Variants in DGKE observed in about 807,000 individuals in gnomAD.
DGKE encodes the protein diacylglycerol kinase epsilon, also known as DAG kinase epsilon.
Under a neutral mutation model 70.0 loss-of-function variants are expected in DGKE, and 53 were observed. The observed-to-expected ratio is 0.76, with a 90% CI of 0.61 to 0.95. The LOEUF is 0.95. Ranked by LOEUF, DGKE falls within the 40% of genes least tolerant of loss-of-function variation. The pLI is 0.00. For missense variants in DGKE, 655 were observed against 706.9 expected (o/e 0.93, Z 0.83); for synonymous variants, 291 against 257.0 (o/e 1.13, Z -1.27).
chr17:56,841,421 G>A lies in DGKE; in HGVS notation c.465-2598G>A, dbSNP rs1033292036. 5.3e-5 allele frequency among the ~76,000 whole-genome samples: 8 copies of A among 152,122 alleles called. 1 individual carries two copies. In the Middle Eastern group the frequency reaches 0.014, roughly 259 times the overall value. On this transcript the variant is annotated intron_variant, in intron 2 of 11. Coordinates refer to ENST00000284061, the MANE Select transcript of DGKE (RefSeq NM_003647.3). The stretch of plus-strand genomic sequence containing the variant: ...TGCCAGAAAAAAGGTTGATATTCTA[G>A]TTAAATAAAATTACATGCAATTATT...
intron 2 of DGKE, chr17:56,836,213 A>AC (rs1906608498): frequency 6.6e-6 from 1 of 151,832 alleles, no homozygotes; most frequent in South Asian, 2.1e-4. Context: ...AATTTTTTTA[A>AC]TTTTTTTTGC....
At chr17:56,844,365 T>C (rs960379835) in intron 3 of DGKE, among the ~76,000 whole-genome samples, 187 bp downstream of exon 3, 1 of 152,208 alleles carries the variant, frequency 6.6e-6, no homozygotes, top group Non-Finnish European at 1.5e-5. Context: ...ACCTAGTTCC[T>C]AGAGATGGGT....
chr17:56,863,091 G>A lies in DGKE; in HGVS notation c.*300G>A. 1 of 222,248 alleles carries A rather than the reference G, an allele frequency of 4.5e-6. No individual in the cohort carries two copies. Among genetic ancestry groups the A allele is most frequent in the Middle Eastern group, 1.5e-3 (1 of 672 alleles). The allele number at this position is 222,248 out of a possible 1,614,324, so 13.8% of individuals were successfully genotyped here. ...TTTTGAGAGTGGGACTCACTCTGAA[G>A]TATGTGCTGTCTCATGTCTTATTTT... is the stretch of plus-strand genomic sequence containing the variant. On this transcript the variant is annotated 3_prime_UTR_variant, in exon 12 of 12. Transcript: ENST00000284061.
rs1290255831 is a variant in DGKE at position 56,866,575 on chromosome 17, A to G, written c.*3784A>G. ...ACTTATTTGTATCATACCCAAATTGATATATTTGTCTGAACTCTGTTACAT... is the reference window on the plus strand; with the variant it reads ...ACTTATTTGTATCATACCCAAATTGGTATATTTGTCTGAACTCTGTTACAT... On this transcript the variant is annotated 3_prime_UTR_variant, in exon 12 of 12. Transcript: ENST00000284061. 6.6e-6 allele frequency: 1 copy of G among 152,260 alleles called. No individual in the cohort carries two copies. Among genetic ancestry groups the G allele is most frequent in the Non-Finnish European group, 1.5e-5 (1 of 68,046 alleles). The allele number at this position is 152,260 out of a possible 1,614,324, so 9.4% of individuals were successfully genotyped here. A position where few individuals can be genotyped will look rare whatever the true frequency, so the allele number is the denominator to read the frequency against.
chr17:56,847,834 G>A lies in DGKE; in HGVS notation c.745-88G>A, dbSNP rs1252919107. ...TAGTAGCCAGTAATGTTATTTAACT[G>A]TATCTCTACTCATCTAGAGGGAAAT... On this transcript the variant is annotated intron_variant, in intron 4 of 11. Transcript: ENST00000284061. 7 of 954,850 alleles carry A rather than the reference G, an allele frequency of 7.3e-6. No homozygotes were observed. The Admixed American group carries it at 1.1e-4, about 16-fold the overall frequency. 59.1% of individuals were successfully genotyped at this position (954,850 alleles called of 1,614,324 possible).
chr17:56,860,777 A>G (rs1226748971), intron 9 of DGKE, among the ~76,000 whole-genome samples: 2 of 151,702 alleles, frequency 1.3e-5, no homozygotes, highest in Admixed American at 6.6e-5. Context: ...AGCATCTGCA[A>G]AAGACCCAGA....
At position 56,869,191 on chromosome 17, in the gene DGKE, T is replaced by G. The variant is rs1908651393; in HGVS notation, c.*6400T>G. 6.6e-6 allele frequency: 1 copy of G among 152,228 alleles called. No individual in the cohort carries two copies. Among genetic ancestry groups the G allele is most frequent in the South Asian group, 2.1e-4 (1 of 4,834 alleles). The allele number at this position is 152,228 out of a possible 1,614,324, so 9.4% of individuals were successfully genotyped here. Reference sequence around the variant, plus strand: ...TCGGTAAACTGGAGCACATGATTCCTGGGAAGCAGGCCTAGTGTAAACAAT... The same window carrying G: ...TCGGTAAACTGGAGCACATGATTCCGGGGAAGCAGGCCTAGTGTAAACAAT... On this transcript the variant is annotated 3_prime_UTR_variant, in exon 12 of 12. Coordinates refer to ENST00000284061, the MANE Select transcript of DGKE (RefSeq NM_003647.3).
chr17:56,856,855 T>C (rs181726585), intron 8 of DGKE, among the ~76,000 whole-genome samples: 1 of 152,216 alleles, frequency 6.6e-6, no homozygotes, highest in Admixed American at 6.5e-5. Flanking sequence ...CCTAGCACTT[T>C]TGGGAGGCGG....
At chr17:56,857,797 G>A (rs148641691) in intron 8 of DGKE, among the ~76,000 whole-genome samples, 5 of 152,074 alleles carry the variant, frequency 3.3e-5, no homozygotes, top group East Asian at 1.9e-4. Flanking sequence ...CTTCTAGGCC[G>A]CGCATGGTGG....
intron 4 of DGKE, 157 bp from the exon 5 acceptor site, chr17:56,847,765 A>AATTTAT (rs1907383223): frequency 2.5e-6 from 1 of 398,248 alleles, no homozygotes; most frequent in South Asian, 6.3e-5. Flanking sequence ...AGCTACAATG[A>AATTTAT]ATATAAAGAG....
Position 56,847,941 on chromosome 17 carries a change from C to A in DGKE, c.764C>A (p.Thr255Asn). ...TTCTAGGTTTTTGATGTAACTAAAACTCCTCCTATCAAAGCCCTACAACTC... is the reference window on the plus strand; with the variant it reads ...TTCTAGGTTTTTGATGTAACTAAAAATCCTCCTATCAAAGCCCTACAACTC... ...NPVQVFDVTKTPPIKALQLCT... is the reference protein window; with the variant it reads ...NPVQVFDVTKNPPIKALQLCT... The change falls in exon 5 of 12, where the codon ACT (threonine) becomes AAT (asparagine). Residue 255 changes from threonine to asparagine, a missense_variant. Thr to Asn is a moderately conservative substitution (Grantham distance 65). Coordinates refer to ENST00000284061, the MANE Select transcript of DGKE (RefSeq NM_003647.3). 6.4e-7 allele frequency: 1 copy of A among 1,565,776 alleles called. No individual in the cohort carries two copies. The highest frequency in any genetic ancestry group is 8.6e-7 in the Non-Finnish European group (1 of 1,160,688).
At chr17:56,841,179 A>G (rs1209784813) in intron 2 of DGKE, among the ~76,000 whole-genome samples, 8 of 150,960 alleles carry the variant, frequency 5.3e-5, no homozygotes, top group Admixed American at 5.3e-4. Flanking sequence ...TGAACCCAGT[A>G]TGTGGAGGTT....
At chr17:56,841,894 C>CA (rs1161508222) in intron 2 of DGKE, among the ~76,000 whole-genome samples, 1 of 152,102 alleles carries the variant, frequency 6.6e-6, no homozygotes, top group Non-Finnish European at 1.5e-5. Flanking sequence ...TTCCCGGGTT[C>CA]AAGTGATCCT....
At chr17:56,849,723 A>C (rs975238024) in intron 7 of DGKE, among the ~76,000 whole-genome samples, 3 of 152,256 alleles carry the variant, frequency 2.0e-5, no homozygotes, top group Non-Finnish European at 2.9e-5. Flanking sequence ...GAGAAAATAC[A>C]TATTACTATT....
At chr17:56,851,280 A>G (rs1343613344) in intron 7 of DGKE, among the ~76,000 whole-genome samples, 2 of 152,144 alleles carry the variant, frequency 1.3e-5, no homozygotes, top group Non-Finnish European at 2.9e-5. Context: ...TCACATGGTC[A>G]TTTACTACCC....
intron 2 of DGKE, among the ~76,000 whole-genome samples, chr17:56,840,526 C>G (rs986269778): frequency 1.3e-5 from 2 of 152,120 alleles, no homozygotes; most frequent in African/African-American, 4.8e-5. Context: ...CAGGCATGCA[C>G]CACCACACCT....
intron 9 of DGKE, among the ~76,000 whole-genome samples, chr17:56,859,887 G>A (rs533629644): frequency 2.6e-5 from 4 of 152,344 alleles, no homozygotes; most frequent in African/African-American, 9.6e-5. Flanking sequence ...TAAGGAGACT[G>A]ATTATACATT....
intron 5 of DGKE, 50 bp downstream of exon 5, chr17:56,848,115 T>TACAC (rs1555599222): frequency 1.3e-5 from 10 of 768,062 alleles, no homozygotes; most frequent in Non-Finnish European, 1.5e-5. Flanking sequence ...ATAAATATAC[T>TACAC]ATACATATAT....
At position 56,848,010 on chromosome 17, in the gene DGKE, G is replaced by C; in HGVS notation, c.833G>C (p.Gly278Ala). ...TATTCAGCTCGAGTACTTGTTTGTG[G>C]AGGGGATGGGACTGTAGGGTGGGTC... is the stretch of plus-strand genomic sequence containing the variant. The part of the protein sequence containing the change: ...PYYSARVLVC[G>A]GDGTVGWVLD... Residue 278 changes from glycine to alanine, a missense_variant, in exon 5 of 12, where the codon GGA becomes GCA. By Grantham distance (60) the Gly-to-Ala change is moderately conservative (BLOSUM62 0). Coordinates refer to ENST00000284061, the MANE Select transcript of DGKE (RefSeq NM_003647.3). 6.2e-7 allele frequency: 1 copy of C among 1,609,970 alleles called. No individual in the cohort carries two copies. Among genetic ancestry groups the C allele is most frequent in the Non-Finnish European group, 8.5e-7 (1 of 1,177,756 alleles).
Sources: allele counts gnomAD v4.1 joint callset (sites outside exome capture counted in the v4.1 genomes callset), GRCh38; gene constraint gnomAD v4.1.1; transcripts MANE v1.5; gene names NCBI Gene and HGNC (gene_info 2026-07-23, HGNC 2026-07-21).